Variants in PTPN22 observed in about 807,000 individuals in gnomAD.
The protein encoded by PTPN22 is protein tyrosine phosphatase non-receptor type 22.
In PTPN22, 85 loss-of-function variants were observed where a neutral mutation model predicts 103.3. The ratio of observed to expected loss-of-function variants is 0.82; its 90% CI spans 0.69 to 0.99. The LOEUF (loss-of-function observed/expected upper bound fraction) is 0.99, where lower values mean the gene tolerates loss of function less well. Ranked by LOEUF, PTPN22 falls within the 50% of genes least tolerant of loss-of-function variation. The pLI is 0.00. For missense variants in PTPN22, 865 were observed against 936.9 expected (o/e 0.92, Z 1.00); for synonymous variants, 323 against 310.2 (o/e 1.04, Z -0.43).
chr1:113,845,225 C>T (rs1243834950), intron 11 of PTPN22, among the ~76,000 whole-genome samples: 1 of 145,242 alleles, frequency 6.9e-6, no homozygotes, highest in African/African-American at 2.5e-5. Flanking sequence ...GAGACAGAGT[C>T]TCGCTTTGTT....
chr1:113,838,059 G>T (rs750162441), exon 13 of PTPN22: 1 of 1,613,772 alleles, frequency 6.2e-7, no homozygotes, highest in South Asian at 1.1e-5. Context: ...GAGTTGATTT[G>T]GTCCGTGTTA....
intron 19 of PTPN22, among the ~76,000 whole-genome samples, chr1:113,820,392 A>T (rs959847530): frequency 6.6e-6 from 1 of 152,192 alleles, no homozygotes. Flanking sequence ...TGGGAGGCAG[A>T]GGGATGAGGT....
chr1:113,820,590 T>C (rs1456227661), intron 19 of PTPN22, among the ~76,000 whole-genome samples: 1 of 152,226 alleles, frequency 6.6e-6, no homozygotes, highest in Non-Finnish European at 1.5e-5. Flanking sequence ...AGGTCATATA[T>C]GTACATTGAT....
At chr1:113,837,859 T>C in exon 13 of PTPN22, 1 of 1,614,148 alleles carries the variant, frequency 6.2e-7, no homozygotes, top group South Asian at 1.1e-5. Flanking sequence ...GTGCTTTACA[T>C]TAGAGGCATT....
At chr1:113,820,292 A>G (rs1248371610) in intron 19 of PTPN22, among the ~76,000 whole-genome samples, 1 of 151,984 alleles carries the variant, frequency 6.6e-6, no homozygotes, top group Non-Finnish European at 1.5e-5. Flanking sequence ...CGTCTCTACT[A>G]AAAATACAAA....
intron 1 of PTPN22, among the ~76,000 whole-genome samples, chr1:113,862,519 T>C (rs1665705439): frequency 6.6e-6 from 1 of 152,126 alleles, no homozygotes; most frequent in African/African-American, 2.4e-5. Context: ...GAAATTCGGA[T>C]TGAGTCATTT....
chr1:113,840,883 T>A (rs575490226), intron 11 of PTPN22, among the ~76,000 whole-genome samples: 1 of 152,092 alleles, frequency 6.6e-6, no homozygotes, highest in South Asian at 2.1e-4. Flanking sequence ...GAAAGGAGAG[T>A]GTTTTCAATA....
intron 18 of PTPN22, 27 bp from the exon 19 acceptor site, chr1:113,825,199 T>C (rs778599965): frequency 1.4e-6 from 2 of 1,402,318 alleles, no homozygotes; most frequent in Admixed American, 2.1e-5. Context: ...AAATGTTAGT[T>C]TTTTTTCCTG....
At chr1:113,835,096 T>A in intron 13 of PTPN22, 103 bp from the exon 14 acceptor site, 1 of 628,990 alleles carries the variant, frequency 1.6e-6, no homozygotes, top group Non-Finnish European at 2.4e-6. Flanking sequence ...AATTTATATT[T>A]AAATTCCGTT....
intron 5 of PTPN22, 134 bp downstream of exon 5, chr1:113,857,604 A>T: frequency 1.3e-6 from 1 of 745,392 alleles, no homozygotes; most frequent in Non-Finnish European, 2.2e-6. Flanking sequence ...ATCACGTGGC[A>T]TTCCCAAACT....
At chr1:113,815,013 G>A (rs1208681840) in intron 20 of PTPN22, 44 bp from the exon 21 acceptor site, 1 of 1,391,334 alleles carries the variant, frequency 7.2e-7, no homozygotes, top group Admixed American at 1.9e-5. Context: ...GATGTTTTAA[G>A]TATAGAAATG....
chr1:113,818,810 G>A (rs1661362078), intron 20 of PTPN22, among the ~76,000 whole-genome samples: 1 of 152,158 alleles, frequency 6.6e-6, no homozygotes, highest in South Asian at 2.1e-4. Context: ...GTAAGAAGAG[G>A]AGGCCACACC....
chr1:113,818,486 A>G (rs1308459646), intron 20 of PTPN22, among the ~76,000 whole-genome samples: 3 of 152,168 alleles, frequency 2.0e-5, no homozygotes, highest in Non-Finnish European at 4.4e-5. Context: ...TTTAAACCTC[A>G]GAGTTAATGA....
chr1:113,867,585 T>C (rs1666220074), intron 1 of PTPN22, among the ~76,000 whole-genome samples: 1 of 152,184 alleles, frequency 6.6e-6, no homozygotes, highest in Admixed American at 6.5e-5. Context: ...TGTCTGCCTC[T>C]CTAAGACATA....
intron 13 of PTPN22, among the ~76,000 whole-genome samples, chr1:113,836,033 T>C (rs1662986938): frequency 1.3e-5 from 2 of 152,116 alleles, no homozygotes; most frequent in Admixed American, 6.6e-5. Context: ...ATTTAAATGT[T>C]TAAAAATGTA....
At chr1:113,819,827 T>C in intron 19 of PTPN22, 173 bp from the exon 20 acceptor site, 2 of 388,482 alleles carry the variant, frequency 5.1e-6, no homozygotes, top group Non-Finnish European at 8.9e-6. Flanking sequence ...AATATTCTCA[T>C]TTGTATTTTT....
intron 1 of PTPN22, among the ~76,000 whole-genome samples, chr1:113,865,871 C>A (rs1666078198): frequency 1.3e-5 from 2 of 152,196 alleles, no homozygotes; most frequent in Non-Finnish European, 2.9e-5. Flanking sequence ...CACAGCAGTT[C>A]TTCAAAGTGA....
intron 5 of PTPN22, 56 bp from the exon 6 acceptor site, chr1:113,856,675 C>A: frequency 6.2e-7 from 1 of 1,611,050 alleles, no homozygotes; most frequent in Non-Finnish European, 8.5e-7. Flanking sequence ...GTCTTTTCCA[C>A]TCTCTCATTT....
intron 1 of PTPN22, among the ~76,000 whole-genome samples, chr1:113,869,643 C>T (rs1323690651): frequency 6.6e-6 from 1 of 152,148 alleles, no homozygotes; most frequent in African/African-American, 2.4e-5. Flanking sequence ...GATCCACCCG[C>T]CTCGGCCTCC....
Sources: allele counts gnomAD v4.1 joint callset (sites outside exome capture counted in the v4.1 genomes callset), GRCh38; gene constraint gnomAD v4.1.1; transcripts MANE v1.5; gene names NCBI Gene and HGNC (gene_info 2026-07-23, HGNC 2026-07-21).